Variants in CTNNA3 observed in about 807,000 individuals in gnomAD.
CTNNA3 encodes catenin alpha 3.
A neutral mutation model predicts 95.7 loss-of-function variants in CTNNA3; 76 were observed. The observed-to-expected ratio is 0.79, with a 90% CI of 0.66 to 0.96. CTNNA3 has a LOEUF of 0.96. Ranked by LOEUF, CTNNA3 falls within the 40% of genes least tolerant of loss-of-function variation. CTNNA3 has a pLI of 0.00. For synonymous variants in CTNNA3, 431 were observed against 374.4 expected, an observed-to-expected ratio of 1.15 and a Z score of -1.74; for missense variants, 1,191 against 1,089.8, an observed-to-expected ratio of 1.09 and a Z score of -1.31.
chr10:66,691,069 A>G (rs1430516699), intron 9 of CTNNA3, among the ~76,000 whole-genome samples: 17 of 152,176 alleles, frequency 1.1e-4, no homozygotes, highest in Non-Finnish European at 2.1e-4. Context: ...CATCTGAGGT[A>G]CCAGGTTCAT....
chr10:67,024,177 C>T (rs1048442703), intron 7 of CTNNA3, among the ~76,000 whole-genome samples: 9 of 152,208 alleles, frequency 5.9e-5, no homozygotes, highest in Non-Finnish European at 1.2e-4. Flanking sequence ...AAGACTACTA[C>T]ACTCCTTGGC....
intron 12 of CTNNA3, among the ~76,000 whole-genome samples, chr10:66,365,476 G>A (rs2092704866): frequency 6.6e-6 from 1 of 152,040 alleles, no homozygotes; most frequent in African/African-American, 2.4e-5. Flanking sequence ...CAGGGCACGC[G>A]TATACCTATG....
intron 13 of CTNNA3, among the ~76,000 whole-genome samples, chr10:66,114,057 C>T (rs2082220868): frequency 6.6e-6 from 1 of 152,134 alleles, no homozygotes; most frequent in South Asian, 2.1e-4. Context: ...ACCTTCAACT[C>T]TTATGTCTGA....
At chr10:66,305,477 T>C (rs749857225) in intron 12 of CTNNA3, among the ~76,000 whole-genome samples, 2 of 152,176 alleles carry the variant, frequency 1.3e-5, no homozygotes, top group Non-Finnish European at 2.9e-5. Context: ...TTTAATCCTG[T>C]GTTACCTTCC....
intron 9 of CTNNA3, among the ~76,000 whole-genome samples, chr10:66,669,217 T>C (rs536085734): frequency 1.3e-5 from 2 of 152,254 alleles, no homozygotes; most frequent in Non-Finnish European, 2.9e-5. Flanking sequence ...CATATTATAA[T>C]AAGTTGTGTG....
At chr10:67,571,717 AG>A (rs543152674) in intron 3 of CTNNA3, among the ~76,000 whole-genome samples, 55 of 152,294 alleles carry the variant, frequency 3.6e-4, no homozygotes, top group African/African-American at 1.3e-3. Flanking sequence ...TGAGGGAAGC[AG>A]GAGAGGGCAG....
intron 1 of CTNNA3, among the ~76,000 whole-genome samples, chr10:67,690,311 C>A (rs1338175607): frequency 1.3e-5 from 2 of 152,034 alleles, no homozygotes; most frequent in Non-Finnish European, 2.9e-5. Flanking sequence ...GTAGTGCGGA[C>A]CCAAAGAGTG....
intron 3 of CTNNA3, among the ~76,000 whole-genome samples, chr10:67,586,897 G>A (rs1433818614): frequency 6.6e-6 from 1 of 151,936 alleles, no homozygotes; most frequent in East Asian, 1.9e-4. Context: ...TTATCATTGT[G>A]GTTTGGTGTA....
intron 13 of CTNNA3, among the ~76,000 whole-genome samples, chr10:66,141,669 G>A (rs1380639805): frequency 6.6e-6 from 1 of 151,908 alleles, no homozygotes; most frequent in African/African-American, 2.4e-5. Flanking sequence ...TCATACTCCA[G>A]TGAATTGATT....
chr10:66,181,095 A>T (rs2086016286), intron 13 of CTNNA3, among the ~76,000 whole-genome samples: 1 of 150,764 alleles, frequency 6.6e-6, no homozygotes, highest in Admixed American at 6.7e-5. Context: ...CTGACTCAAA[A>T]CACTATGAGT....
intron 12 of CTNNA3, among the ~76,000 whole-genome samples, chr10:66,315,104 T>G (rs1350078910): frequency 6.6e-6 from 1 of 152,080 alleles, no homozygotes; most frequent in East Asian, 1.9e-4. Flanking sequence ...TCTTTATTAA[T>G]AAATTTTACT....
At chr10:67,654,822 T>C (rs954817718) in intron 1 of CTNNA3, among the ~76,000 whole-genome samples, 7 of 152,250 alleles carry the variant, frequency 4.6e-5, no homozygotes, top group African/African-American at 1.7e-4. Flanking sequence ...GTTATTATTC[T>C]TTCCTTAAGC....
At chr10:66,764,435 C>G (rs1839759312) in intron 9 of CTNNA3, among the ~76,000 whole-genome samples, 1 of 152,160 alleles carries the variant, frequency 6.6e-6, no homozygotes, top group South Asian at 2.1e-4. Flanking sequence ...TTAAAGAGGT[C>G]TCTTTGCTTC....
intron 5 of CTNNA3, among the ~76,000 whole-genome samples, chr10:67,298,872 CCAAA>C (rs1198051247): frequency 1.3e-5 from 2 of 152,048 alleles, no homozygotes; most frequent in African/African-American, 2.4e-5. Flanking sequence ...TTTGCATCAG[CCAAA>C]CAGTCAAATT....
intron 5 of CTNNA3, among the ~76,000 whole-genome samples, chr10:67,371,776 T>C (rs1310478986): frequency 1.3e-5 from 2 of 152,234 alleles, no homozygotes; most frequent in Non-Finnish European, 2.9e-5. Context: ...ATGGTATTTC[T>C]AGTTCTAGAT....
intron 4 of CTNNA3, among the ~76,000 whole-genome samples, chr10:67,532,140 A>T (rs1444976217): frequency 1.3e-5 from 2 of 152,124 alleles, no homozygotes; most frequent in Non-Finnish European, 2.9e-5. Flanking sequence ...CAGAATACAC[A>T]TCTTAAATAC....
chr10:67,092,872 T>G (rs1018374911), intron 7 of CTNNA3, among the ~76,000 whole-genome samples: 6 of 152,004 alleles, frequency 3.9e-5, no homozygotes, highest in Admixed American at 3.3e-4. Flanking sequence ...AGAATCGAAA[T>G]TATTCCTAAG....
intron 7 of CTNNA3, among the ~76,000 whole-genome samples, chr10:66,787,142 A>G (rs1840780869): frequency 1.3e-5 from 2 of 152,166 alleles, no homozygotes; most frequent in Admixed American, 1.3e-4. Flanking sequence ...TCCTACTCCT[A>G]ACTTTTCCAC....
chr10:66,237,575 A>T (rs536485246), intron 13 of CTNNA3, among the ~76,000 whole-genome samples: 132 of 126,364 alleles, frequency 1.0e-3, no homozygotes, highest in African/African-American at 3.1e-3. Flanking sequence ...TTTTTTTTTT[A>T]AAAGGGGTGT....
Sources: allele counts gnomAD v4.1 joint callset (sites outside exome capture counted in the v4.1 genomes callset), GRCh38; gene constraint gnomAD v4.1.1; transcripts MANE v1.5; gene names NCBI Gene and HGNC (gene_info 2026-07-23, HGNC 2026-07-21).